The following KIAA0319 variants were observed in gnomAD, a reference collection of about 807,000 sequenced individuals.
KIAA0319 encodes the protein KIAA0319, also known as dyslexia-associated protein KIAA0319.
A neutral mutation model predicts 108.4 loss-of-function variants in KIAA0319; 83 were observed. That is an observed-to-expected ratio of 0.77 (90% CI 0.64 to 0.92). KIAA0319 has a LOEUF of 0.92. KIAA0319 is among the 40% of genes least tolerant of loss of function. The pLI, the probability that KIAA0319 is intolerant of heterozygous loss-of-function variation, is 0.00. For missense variants in KIAA0319, 1,195 were observed against 1,322.4 expected (o/e 0.90, Z 1.49); for synonymous variants, 484 against 510.4 (o/e 0.95, Z 0.70).
chr6:24,643,853 T>C (rs550993228), intron 1 of KIAA0319, among the ~76,000 whole-genome samples: 3 of 152,242 alleles, frequency 2.0e-5, no homozygotes, highest in Non-Finnish European at 4.4e-5. Flanking sequence ...CATTGTTATC[T>C]CTATTTTACA....
intron 1 of KIAA0319, among the ~76,000 whole-genome samples, chr6:24,637,475 G>A (rs979980783): frequency 2.6e-5 from 4 of 152,064 alleles, no homozygotes; most frequent in Non-Finnish European, 5.9e-5. Context: ...TCTTTAAAGG[G>A]CACTCATTTT....
chr6:24,569,069 A>G, intron 12 of KIAA0319, 140 bp from the exon 13 acceptor site: 2 of 838,964 alleles, frequency 2.4e-6, no homozygotes, highest in Non-Finnish European at 3.7e-6. Context: ...AACTCCATTC[A>G]TCTGTACTCT....
At chr6:24,571,403 T>C (rs1029150150) in intron 11 of KIAA0319, among the ~76,000 whole-genome samples, 7 of 147,992 alleles carry the variant, frequency 4.7e-5, no homozygotes, top group African/African-American at 1.5e-4. Context: ...AAAGAAGTCA[T>C]GTAGTCAAAA....
intron 16 of KIAA0319, among the ~76,000 whole-genome samples, chr6:24,562,148 A>G (rs1763194147): frequency 6.6e-6 from 1 of 152,170 alleles, no homozygotes; most frequent in Non-Finnish European, 1.5e-5. Flanking sequence ...TTTTATTTCT[A>G]TAAAGTCAGT....
chr6:24,576,940 A>G (rs1275321184), intron 9 of KIAA0319, among the ~76,000 whole-genome samples: 2 of 152,088 alleles, frequency 1.3e-5, no homozygotes, highest in Admixed American at 6.5e-5. Context: ...ACAACCAAAA[A>G]AAAAAGAAAA....
At position 24,596,230 on chromosome 6, in the gene KIAA0319, C is replaced by G. The variant is rs1279704787; in HGVS notation, c.444G>C (p.Trp148Cys). 6.2e-7 allele frequency: 1 copy of G among 1,614,184 alleles called. No individual in the cohort carries two copies. The highest frequency in any genetic ancestry group is 8.5e-7 in the Non-Finnish European group (1 of 1,180,034). ...AGTACTCAGACATCTCCTCTAGGCCCCAATCTTTGCCTAGAAAGGTCAAGT... is the reference window on the plus strand; with the variant it reads ...AGTACTCAGACATCTCCTCTAGGCCGCAATCTTTGCCTAGAAAGGTCAAGT... The part of the protein sequence containing the change: ...RKDLTFLGKD[W>C]GLEEMSEYSD... The change falls in exon 3 of 21, where the codon TGG (tryptophan) becomes TGC (cysteine). Residue 148 changes from tryptophan (W) to cysteine (C), a missense_variant. Physicochemically the swap from Trp to Cys is radical, Grantham distance 215. Coordinates refer to ENST00000378214, the MANE Select transcript of KIAA0319 (RefSeq NM_014809.4).
chr6:24,599,109 T>C lies in KIAA0319; in HGVS notation c.55+1940A>G. ...GGTGCTGTCCATGGACAACAGCTGG[T>C]CCCTGGACATGGACAGCATCATTGC... On this transcript the variant is annotated intron_variant, in intron 2 of 20. Transcript: ENST00000378214. This position sits in a 1 kb window ranked among gnomAD's most constrained non-coding sequence, Gnocchi z 4.1. 1.2e-5 allele frequency: 8 copies of C among 687,146 alleles called. No homozygotes were observed. Among genetic ancestry groups the C allele is most frequent in the Admixed American group, 2.2e-5 (1 of 46,352 alleles). The allele number at this position is 687,146 out of a possible 1,614,324, so 42.6% of individuals were successfully genotyped here.
At chr6:24,566,483 C>T (rs1763912672) in intron 14 of KIAA0319, 114 bp downstream of exon 14, 1 of 941,740 alleles carries the variant, frequency 1.1e-6, no homozygotes, top group Admixed American at 3.1e-5. Context: ...TTTAAGCCTC[C>T]TTATACTTAT....
chr6:24,598,246 C>A (rs921005758), intron 2 of KIAA0319: 19 of 591,538 alleles, frequency 3.2e-5, no homozygotes, highest in African/African-American at 2.6e-4. Flanking sequence ...CAACTAGAGC[C>A]TGCTGAGCCC....
chr6:24,541,263 C>T (rs948149768), downstream of KIAA0319, among the ~76,000 whole-genome samples: 9 of 152,122 alleles, frequency 5.9e-5, no homozygotes, highest in South Asian at 2.1e-4. Flanking sequence ...TGTAGATGGC[C>T]GCCTTCTTGC....
intron 12 of KIAA0319, among the ~76,000 whole-genome samples, 156 bp downstream of exon 12, chr6:24,569,747 T>C (rs1046676127): frequency 1.3e-5 from 2 of 152,204 alleles, no homozygotes; most frequent in South Asian, 4.1e-4. Flanking sequence ...CTTAATGTAC[T>C]CTTCAATCAA....
At chr6:24,623,449 G>T (rs1774248567) in intron 1 of KIAA0319, among the ~76,000 whole-genome samples, 1 of 152,064 alleles carries the variant, frequency 6.6e-6, no homozygotes, top group Admixed American at 6.6e-5. Context: ...CATAGTACAA[G>T]CAGGCAAGCA....
chr6:24,576,323 G>A (rs1250299519), intron 10 of KIAA0319, 45 bp downstream of exon 10: 1 of 1,497,648 alleles, frequency 6.7e-7, no homozygotes, highest in African/African-American at 1.4e-5. Flanking sequence ...TAGGTAGACA[G>A]ACAGACAGAC....
chr6:24,572,717 AAAAAT>A lies in KIAA0319; in HGVS notation c.1735-24_1735-20del, dbSNP rs762975748. 3 of 1,584,220 alleles carry A rather than the reference AAAAAT, an allele frequency of 1.9e-6. No individual in the cohort carries two copies. Among genetic ancestry groups the A allele is most frequent in the Admixed American group, 1.9e-5 (1 of 51,362 alleles). On this transcript the variant is annotated intron_variant, in intron 10 of 20. Coordinates refer to ENST00000378214, the MANE Select transcript of KIAA0319 (RefSeq NM_014809.4). ...GTACTCCCTAAGTAATAGCAAATAC[AAAAAT>A]AAAAACAAAACAAAACAAAAAAGTA... is the stretch of plus-strand genomic sequence containing the variant.
chr6:24,595,816 C>A, intron 3 of KIAA0319, 57 bp downstream of exon 3: 1 of 1,525,202 alleles, frequency 6.6e-7, no homozygotes, highest in Admixed American at 2.0e-5. Flanking sequence ...TCAGCCCCTC[C>A]TACGGTCTGC....
intron 1 of KIAA0319, among the ~76,000 whole-genome samples, chr6:24,642,391 T>C (rs1777082133): frequency 6.6e-6 from 1 of 152,220 alleles, no homozygotes; most frequent in South Asian, 2.1e-4. Flanking sequence ...ACACATCATG[T>C]ACTTCATCTT....
rs771508757 is a variant in KIAA0319, at chr6:24,596,405, G to A, written c.269C>T (p.Pro90Leu). 6 of 1,614,188 alleles carry A rather than the reference G, an allele frequency of 3.7e-6. No homozygotes were observed. The South Asian group carries it at 6.6e-5, about 18-fold the overall frequency. Residue 90 changes from proline (P) to leucine (L), a missense_variant, in exon 3 of 21, where the codon CCC (proline) becomes CTC (leucine). By Grantham distance (98) the Pro-to-Leu change is moderately conservative. Coordinates refer to ENST00000378214, the MANE Select transcript of KIAA0319 (RefSeq NM_014809.4). ...AGACCTGATGGGGCCCATCTTCTTG[G>A]GCTCACAGTTCTCTTTGTGGGGGCA... ...VSCPHKENCE[P>L]KKMGPIRSYL...
chr6:24,620,953 A>G (rs1773850737), intron 1 of KIAA0319, among the ~76,000 whole-genome samples: 1 of 152,206 alleles, frequency 6.6e-6, no homozygotes, highest in Non-Finnish European at 1.5e-5. Context: ...CCTACTGCCA[A>G]TTCAAAATAA....
intron 12 of KIAA0319, 50 bp from the exon 13 acceptor site, chr6:24,568,979 AAT>A (rs1344001152): frequency 3.2e-6 from 5 of 1,572,764 alleles, no homozygotes; most frequent in African/African-American, 1.3e-5. Context: ...TGGGGTTTTG[AAT>A]ATGACAGGCA....
Sources: gnomAD v4.1 joint callset for allele counts (sites outside exome capture counted in the v4.1 genomes callset) on GRCh38, gnomAD v4.1.1 for gene constraint, Gnocchi (gnomAD v3.1) non-coding constraint, MANE v1.5 for transcripts, NCBI Gene and HGNC (gene_info 2026-07-23, HGNC 2026-07-21) for gene names.